Variants in MCCC1 observed in about 807,000 individuals in gnomAD.
The protein encoded by MCCC1 is methylcrotonoyl-CoA carboxylase subunit alpha, mitochondrial.
A neutral mutation model predicts 83.8 loss-of-function variants in MCCC1; 64 were observed. That is an observed-to-expected ratio of 0.76 (90% CI 0.62 to 0.94). The LOEUF is 0.94. Among genes scored for constraint, MCCC1 ranks in the 40% least tolerant of loss-of-function variants. MCCC1 has a pLI of 0.00. For missense variants in MCCC1, 807 were observed against 904.7 expected (o/e 0.89, Z 1.39); for synonymous variants, 322 against 315.4 (o/e 1.02, Z -0.22).
At chr3:183,060,206 T>A (rs1352070943) in intron 7 of MCCC1, among the ~76,000 whole-genome samples, 2 of 152,268 alleles carry the variant, frequency 1.3e-5, no homozygotes, top group Non-Finnish European at 2.9e-5. Context: ...GAAAGTTCTA[T>A]TTATCTATGT....
Position 183,064,016 on chromosome 3 carries a change from G to A in MCCC1, c.762-6594C>T, listed in dbSNP as rs1057152209. ...GGCAAGGATGCTTGACTGAACTTGGGTTTGAAGCCCAACTTAGGAAGGTTA... is the reference window on the plus strand; with the variant it reads ...GGCAAGGATGCTTGACTGAACTTGGATTTGAAGCCCAACTTAGGAAGGTTA... On this transcript the variant is annotated intron_variant, in intron 7 of 18. Transcript: ENST00000265594. This position sits in a 1 kb window ranked among gnomAD's most constrained non-coding sequence, Gnocchi z 4.5. 2.6e-5 allele frequency among the ~76,000 whole-genome samples: 4 copies of A among 152,152 alleles called. No individual in the cohort carries two copies. The highest frequency in any genetic ancestry group is 6.5e-5 in the Admixed American group (1 of 15,282).
At chr3:183,035,973 C>T (rs919556714) in intron 13 of MCCC1, among the ~76,000 whole-genome samples, 11 of 130,584 alleles carry the variant, frequency 8.4e-5, no homozygotes, top group Non-Finnish European at 1.5e-4. Context: ...CTATCCCTCC[C>T]CCCTCCCCCC....
chr3:183,085,464 T>C (rs1191485607), intron 4 of MCCC1, among the ~76,000 whole-genome samples: 1 of 150,428 alleles, frequency 6.6e-6, no homozygotes. Context: ...AGCCCATCCC[T>C]ACAAAAAATA....
chr3:183,041,496 G>C (rs1475089023), intron 11 of MCCC1, 71 bp downstream of exon 11: 2 of 1,500,234 alleles, frequency 1.3e-6, no homozygotes. Flanking sequence ...TCAGGGATAA[G>C]AATGTGTCCA....
chr3:183,106,605 T>G (rs1375548310), intron 1 of MCCC1, among the ~76,000 whole-genome samples: 1 of 151,998 alleles, frequency 6.6e-6, no homozygotes, highest in African/African-American at 2.4e-5. Context: ...TTCAAGCGAT[T>G]CTACTGCCTC....
chr3:183,016,670 T>C (rs1301453709), intron 18 of MCCC1, among the ~76,000 whole-genome samples: 1 of 152,198 alleles, frequency 6.6e-6, no homozygotes, highest in Non-Finnish European at 1.5e-5. Flanking sequence ...ATAAATCCAA[T>C]GTAAGCTGAG....
At chr3:183,022,048 G>T (rs77458140) in intron 16 of MCCC1, among the ~76,000 whole-genome samples, 10,353 of 152,092 alleles carry the variant, frequency 0.068, 550 homozygotes, top group African/African-American at 0.13. Context: ...AAAATCACCA[G>T]GATTCCAGTT....
At chr3:183,022,304 C>A in intron 16 of MCCC1, 113 bp downstream of exon 16, 1 of 1,290,390 alleles carries the variant, frequency 7.7e-7, no homozygotes, top group Non-Finnish European at 1.1e-6. Context: ...GGAAAAAGGT[C>A]ACAGCAGTGG....
chr3:183,033,847 T>C (rs1373698985), intron 14 of MCCC1, 144 bp downstream of exon 14: 5 of 640,670 alleles, frequency 7.8e-6, no homozygotes, highest in East Asian at 5.5e-5. Context: ...AATTCTATTA[T>C]ATTGGCATAT....
chr3:183,086,705 G>A lies in MCCC1; in HGVS notation c.357C>T (p.Thr119=). 6.2e-7 allele frequency: 1 copy of A among 1,614,130 alleles called. No homozygotes were observed. Among genetic ancestry groups the A allele is most frequent in the African/African-American group, 1.3e-5 (1 of 75,062 alleles). Residue 119 remains threonine (T), a synonymous_variant, in exon 4 of 19, where the codon ACC becomes ACT. Transcript: ENST00000265594. ...TCACAACCCTCACCTGTGCAGCAGAGGTCTTGGCCACTTGAATGATTTTCT... is the reference window on the plus strand; with the variant it reads ...TCACAACCCTCACCTGTGCAGCAGAAGTCTTGGCCACTTGAATGATTTTCT... ...SMEKIIQVAK[T]SAAQAIHPGC... is the part of the protein sequence containing the mutation.
intron 13 of MCCC1, among the ~76,000 whole-genome samples, chr3:183,035,448 C>G (rs182181741): frequency 6.6e-6 from 1 of 151,036 alleles, no homozygotes; most frequent in African/African-American, 2.4e-5. Context: ...TATAATAATA[C>G]GGGTTCAGTA....
chr3:183,100,707 C>A (rs60279676), upstream of MCCC1, among the ~76,000 whole-genome samples: 4,498 of 152,060 alleles, frequency 0.03, 230 homozygotes, highest in African/African-American at 0.1. Context: ...TGTCTTGTAA[C>A]CCCCCATTGA....
intron 1 of MCCC1, among the ~76,000 whole-genome samples, chr3:183,095,309 CA>C (rs1276592752): frequency 7.9e-5 from 12 of 151,372 alleles, no homozygotes; most frequent in Non-Finnish European, 1.0e-4. Context: ...ACAAAAAGAA[CA>C]AAACTCTTTT....
chr3:183,086,723 G>A lies in MCCC1; in HGVS notation c.339C>T (p.Ile113=). ...CAGCAGAGGTCTTGGCCACTTGAAT[G>A]ATTTTCTCCATAGATAGGTAGCTCT... ...SQQSYLSMEK[I]IQVAKTSAAQ... is the part of the protein sequence containing the mutation. The change falls in exon 4 of 19, where the codon ATC becomes ATT. Residue 113 remains isoleucine, a synonymous_variant. Transcript: ENST00000265594. The A allele has an allele frequency of 6.2e-7, 1 of 1,614,192 alleles. No individual in the cohort carries two copies. Among genetic ancestry groups the A allele is most frequent in the African/African-American group, 1.3e-5 (1 of 75,064 alleles).
At chr3:183,100,899 A>G (rs1189950392), upstream of MCCC1, among the ~76,000 whole-genome samples, 1 of 152,180 alleles carries the variant, frequency 6.6e-6, no homozygotes, top group Non-Finnish European at 1.5e-5. Flanking sequence ...GTGTGGAGGG[A>G]GAGACACGAG....
At chr3:183,023,064 T>C (rs1009853350) in intron 15 of MCCC1, among the ~76,000 whole-genome samples, 3 of 152,210 alleles carry the variant, frequency 2.0e-5, no homozygotes, top group African/African-American at 7.2e-5. Context: ...TCAGTTATGA[T>C]TTAAGAACAT....
intron 1 of MCCC1, among the ~76,000 whole-genome samples, chr3:183,111,773 A>G (rs753575350): frequency 2.6e-5 from 4 of 152,166 alleles, no homozygotes; most frequent in Non-Finnish European, 5.9e-5. Flanking sequence ...CCAGCAACAC[A>G]GTGATCAGAC....
chr3:183,052,270 A>C, intron 8 of MCCC1, 30 bp from the exon 9 acceptor site: 1 of 1,582,618 alleles, frequency 6.3e-7, no homozygotes, highest in Non-Finnish European at 8.7e-7. Flanking sequence ...ATAAATCTCC[A>C]TTAGTAGCTT....
intron 7 of MCCC1, among the ~76,000 whole-genome samples, chr3:183,058,370 C>A (rs1485419146): frequency 6.6e-6 from 1 of 152,158 alleles, no homozygotes; most frequent in African/African-American, 2.4e-5. Flanking sequence ...AATCCCAGCA[C>A]TTTGGGAGGC....
Sources: gnomAD v4.1 joint callset for allele counts (sites outside exome capture counted in the v4.1 genomes callset) on GRCh38, gnomAD v4.1.1 for gene constraint, Gnocchi (gnomAD v3.1) non-coding constraint, MANE v1.5 for transcripts, NCBI Gene and HGNC (gene_info 2026-07-23, HGNC 2026-07-21) for gene names.